Variants in PTPRO observed in about 807,000 individuals in gnomAD.
The protein encoded by PTPRO is protein tyrosine phosphatase receptor type O.
A neutral mutation model predicts 145.2 loss-of-function variants in PTPRO; 62 were observed. The ratio of observed to expected loss-of-function variants is 0.43; its 90% CI spans 0.35 to 0.53. PTPRO has a LOEUF of 0.53. Ranked by LOEUF, PTPRO falls within the 20% of genes least tolerant of loss-of-function variation. PTPRO has a pLI of 0.01. For synonymous variants in PTPRO, 565 were observed against 514.7 expected (o/e 1.10, Z -1.32); for missense variants, 1,345 against 1,482.7 (o/e 0.91, Z 1.53).
chr12:15,424,825 A>T (rs80066603), intron 1 of PTPRO, among the ~76,000 whole-genome samples: 1 of 152,060 alleles, frequency 6.6e-6, no homozygotes, highest in Admixed American at 6.6e-5. Flanking sequence ...TGACAGGTCA[A>T]CGTGGCCCAA....
At chr12:15,449,255 G>A (rs1019511458) in intron 1 of PTPRO, among the ~76,000 whole-genome samples, 3 of 152,334 alleles carry the variant, frequency 2.0e-5, no homozygotes, top group African/African-American at 7.2e-5. Context: ...CTGAAGTATG[G>A]CCACTGGGAT....
intron 9 of PTPRO, among the ~76,000 whole-genome samples, chr12:15,519,101 T>G (rs1591678393): frequency 6.6e-6 from 1 of 152,180 alleles, no homozygotes. Flanking sequence ...GGCTTACAGT[T>G]CCACGTGGCT....
At chr12:15,427,674 C>T (rs1940320949) in intron 1 of PTPRO, among the ~76,000 whole-genome samples, 1 of 151,630 alleles carries the variant, frequency 6.6e-6, no homozygotes, top group African/African-American at 2.4e-5. Flanking sequence ...CTTAACCTTA[C>T]ATGTATAAAT....
intron 15 of PTPRO, among the ~76,000 whole-genome samples, chr12:15,556,259 A>G (rs1370283349): frequency 6.6e-6 from 1 of 152,228 alleles, no homozygotes; most frequent in Non-Finnish European, 1.5e-5. Flanking sequence ...ATGATATTAT[A>G]TTAGTGTATT....
chr12:15,417,264 C>A (rs150025773), intron 1 of PTPRO, among the ~76,000 whole-genome samples: 1 of 151,734 alleles, frequency 6.6e-6, no homozygotes, highest in Non-Finnish European at 1.5e-5. Context: ...CCTGATAAGC[C>A]CATCATAAAG....
At chr12:15,368,003 T>G (rs1158415083) in intron 1 of PTPRO, among the ~76,000 whole-genome samples, 1 of 152,318 alleles carries the variant, frequency 6.6e-6, no homozygotes, top group Admixed American at 6.5e-5. Flanking sequence ...CTTTACTCAT[T>G]TAATCAATTC....
intron 1 of PTPRO, among the ~76,000 whole-genome samples, chr12:15,467,213 C>A (rs1941435660): frequency 2.0e-5 from 3 of 152,154 alleles, no homozygotes. Flanking sequence ...GAGTCAATCA[C>A]TTCCAAATAT....
At chr12:15,511,003 CAA>C (rs10648692) in intron 7 of PTPRO, among the ~76,000 whole-genome samples, 5,823 of 105,608 alleles carry the variant, frequency 0.055, 395 homozygotes, top group African/African-American at 0.19. Flanking sequence ...TCTGTCTCCA[CAA>C]AAAAAAAAAA....
At chr12:15,590,444 G>A (rs1260661250) in intron 25 of PTPRO, among the ~76,000 whole-genome samples, 1 of 152,146 alleles carries the variant, frequency 6.6e-6, no homozygotes, top group Non-Finnish European at 1.5e-5. Context: ...GAGCGCTTGG[G>A]TAGAACACAA....
intron 12 of PTPRO, among the ~76,000 whole-genome samples, chr12:15,545,940 G>A (rs1943276750): frequency 6.6e-6 from 1 of 151,792 alleles, no homozygotes; most frequent in Non-Finnish European, 1.5e-5. Flanking sequence ...ACTTGAGCCA[G>A]GGAAGATGAG....
Position 15,597,697 on chromosome 12 carries a change from T to C in PTPRO, c.*1624T>C, listed in dbSNP as rs1944684607. On this transcript the variant is annotated 3_prime_UTR_variant, in exon 27 of 27. Coordinates refer to ENST00000281171, the MANE Select transcript of PTPRO (RefSeq NM_030667.3). The stretch of plus-strand genomic sequence containing the variant: ...ACCTTGCAGGGTGAATGGCAGAGGA[T>C]GCCCATACCCTGCAGGTTAACAGCT... Among the ~76,000 whole-genome samples, 1 of 152,202 alleles carries C rather than the reference T, an allele frequency of 6.6e-6. No individual in the cohort carries two copies. Among genetic ancestry groups the C allele is most frequent in the Non-Finnish European group, 1.5e-5 (1 of 68,020 alleles).
At chr12:15,352,509 G>A (rs1484784792) in intron 1 of PTPRO, among the ~76,000 whole-genome samples, 2 of 151,930 alleles carry the variant, frequency 1.3e-5, no homozygotes, top group East Asian at 3.9e-4. Flanking sequence ...GAATTAGCCG[G>A]GTGTGGTGGC....
chr12:15,388,158 AAGC>A (rs1162310803), intron 1 of PTPRO, among the ~76,000 whole-genome samples: 1 of 152,208 alleles, frequency 6.6e-6, no homozygotes, highest in African/African-American at 2.4e-5. Context: ...TAACCATAAA[AAGC>A]AATGTGCAGG....
chr12:15,434,722 T>A (rs763429367), intron 1 of PTPRO, among the ~76,000 whole-genome samples: 26 of 152,164 alleles, frequency 1.7e-4, no homozygotes, highest in Non-Finnish European at 3.4e-4. Context: ...TTCAATAAAG[T>A]GAATGTCTGT....
At chr12:15,434,685 T>C (rs1369604290) in intron 1 of PTPRO, among the ~76,000 whole-genome samples, 1 of 152,144 alleles carries the variant, frequency 6.6e-6, no homozygotes, top group Non-Finnish European at 1.5e-5. Flanking sequence ...CCAGATTTGG[T>C]TGATGTTTCT....
chr12:15,558,585 A>G (rs1049967011), intron 16 of PTPRO, among the ~76,000 whole-genome samples: 5 of 152,256 alleles, frequency 3.3e-5, no homozygotes, highest in African/African-American at 1.2e-4. Context: ...TACTACTTAC[A>G]TGGTCTAGTT....
At position 15,554,102 on chromosome 12, in the gene PTPRO, G is replaced by A. The variant is rs555301474; in HGVS notation, c.2558+2431G>A. 9.2e-4 allele frequency among the ~76,000 whole-genome samples: 140 copies of A among 152,234 alleles called. 1 individual carries two copies. Among genetic ancestry groups the A allele is most frequent in the Admixed American group, 2.1e-3 (32 of 15,292 alleles). ...CCAGCTACTCAGGAGGCTGAGACAG[G>A]AGGCAGAGGTTGCGATGAGCCGAGA... On this transcript the variant is annotated intron_variant, in intron 15 of 26. Coordinates refer to ENST00000281171, the MANE Select transcript of PTPRO (RefSeq NM_030667.3).
chr12:15,383,682 G>A (rs1318343539), intron 1 of PTPRO, among the ~76,000 whole-genome samples: 6 of 152,106 alleles, frequency 3.9e-5, no homozygotes, highest in Non-Finnish European at 8.8e-5. Flanking sequence ...CATTGTTTTG[G>A]CCTAGAAAAG....
chr12:15,349,482 T>C (rs1937719618), intron 1 of PTPRO, among the ~76,000 whole-genome samples: 1 of 152,222 alleles, frequency 6.6e-6, no homozygotes, highest in African/African-American at 2.4e-5. Flanking sequence ...TACCATAGGC[T>C]GAGTAAGAAA....
Sources: allele counts gnomAD v4.1 joint callset (sites outside exome capture counted in the v4.1 genomes callset), GRCh38; gene constraint gnomAD v4.1.1; transcripts MANE v1.5; gene names NCBI Gene and HGNC (gene_info 2026-07-23, HGNC 2026-07-21).